ABLIM1: variants seen among roughly 807,000 people sequenced by gnomAD.
The protein encoded by ABLIM1 is actin-binding LIM protein 1.
In ABLIM1, 40 loss-of-function variants were observed where a neutral mutation model predicts 107.0. The observed-to-expected ratio is 0.37, with a 90% CI of 0.29 to 0.49. ABLIM1 has a LOEUF of 0.49. Ranked by LOEUF, ABLIM1 falls within the 20% of genes least tolerant of loss-of-function variation. The pLI is 0.97. For synonymous variants in ABLIM1, 357 were observed against 357.3 expected, an observed-to-expected ratio of 1.00 and a Z score of 0.01; for missense variants, 857 against 1,008.5, an observed-to-expected ratio of 0.85 and a Z score of 2.04.
intron 6 of ABLIM1, among the ~76,000 whole-genome samples, chr10:114,512,985 G>A (rs777608128): frequency 3.3e-5 from 5 of 152,038 alleles, no homozygotes; most frequent in African/African-American, 7.2e-5. Flanking sequence ...ACCAAAACTC[G>A]AGAGTTTTTT....
At position 114,619,384 on chromosome 10, in the gene ABLIM1, A is replaced by G. The variant is rs1330191170; in HGVS notation, c.245-17423T>C. Among the ~76,000 whole-genome samples the G allele has an allele frequency of 6.6e-6, 1 of 151,794 alleles. No individual in the cohort carries two copies. Among genetic ancestry groups the G allele is most frequent in the Admixed American group, 6.6e-5 (1 of 15,220 alleles). Reference sequence around the variant, plus strand: ...GCTAATTTTTTTATTTTTAGTAGAGACGAGGTTTCACTATGTTGCCCAGGC... The same window carrying G: ...GCTAATTTTTTTATTTTTAGTAGAGGCGAGGTTTCACTATGTTGCCCAGGC... On this transcript the variant is annotated intron_variant, in intron 1 of 22. Transcript: ENST00000533213. The surrounding 1 kb of genome is among the most constrained non-coding windows in gnomAD (Gnocchi z 4.1).
At chr10:114,526,126 T>C (rs1490541215) in intron 6 of ABLIM1, among the ~76,000 whole-genome samples, 1 of 152,188 alleles carries the variant, frequency 6.6e-6, no homozygotes, top group African/African-American at 2.4e-5. Context: ...AAACATTTTG[T>C]TTCCTTATTT....
intron 2 of ABLIM1, among the ~76,000 whole-genome samples, chr10:114,582,089 G>A (rs1029567409): frequency 1.3e-5 from 2 of 152,198 alleles, no homozygotes; most frequent in Middle Eastern, 3.4e-3. Flanking sequence ...TCTCTTTGCC[G>A]ATGATATGAT....
intron 8 of ABLIM1, among the ~76,000 whole-genome samples, chr10:114,483,847 T>C (rs2057762174): frequency 6.6e-6 from 1 of 152,182 alleles, no homozygotes; most frequent in African/African-American, 2.4e-5. Context: ...TGAGATGAGA[T>C]TGTAGAAAGT....
At chr10:114,519,595 C>T (rs2063425550) in intron 6 of ABLIM1, among the ~76,000 whole-genome samples, 1 of 152,180 alleles carries the variant, frequency 6.6e-6, no homozygotes, top group Admixed American at 6.5e-5. Context: ...TTAATGAGTA[C>T]ATCCAAGGCC....
At chr10:114,459,458 A>G (rs1382507933) in intron 12 of ABLIM1, among the ~76,000 whole-genome samples, 1 of 152,248 alleles carries the variant, frequency 6.6e-6, no homozygotes, top group Non-Finnish European at 1.5e-5. Context: ...CATGTTTTTC[A>G]AAATAACTAA....
rs2058962200 is a variant in ABLIM1, at chr10:114,432,501, CT to C, written c.*3758del. The C allele has an allele frequency of 6.6e-6, 1 of 152,202 alleles. No homozygotes were observed. Among genetic ancestry groups the C allele is most frequent in the Non-Finnish European group, 1.5e-5 (1 of 68,036 alleles). The allele number at this position is 152,202 out of a possible 1,614,324, so 9.4% of individuals were successfully genotyped here. On this transcript the variant is annotated 3_prime_UTR_variant, in exon 23 of 23. Transcript: ENST00000533213. ...CCTAGTCAAAAGTGGTTAATTTGAA[CT>C]TTTCAAACTTGCAAAAGCATATACA...
In ABLIM1 at chr10:114,434,794, C is replaced by A. The variant is rs757102887; in HGVS notation, c.*1466G>T. On this transcript the variant is annotated 3_prime_UTR_variant, in exon 23 of 23. Transcript: ENST00000533213. ...GTTGGGGAAACCCTAGGCTCATATT[C>A]GAATCTAGTGTTGCAGAGCCTGAGG... The A allele has an allele frequency of 2.6e-5, 4 of 152,076 alleles. No individual in the cohort carries two copies. The highest frequency in any genetic ancestry group is 5.9e-5 in the Non-Finnish European group (4 of 68,030). The allele number at this position is 152,076 out of a possible 1,614,324, so 9.4% of individuals were successfully genotyped here.
chr10:114,515,106 G>A (rs1297670746), intron 6 of ABLIM1, among the ~76,000 whole-genome samples: 11 of 152,228 alleles, frequency 7.2e-5, no homozygotes, highest in Admixed American at 6.5e-4. Flanking sequence ...TTAAAGGTAA[G>A]TCATGACAAG....
At chr10:114,799,396 C>G in the ABLIM1 span, among the ~76,000 whole-genome samples, 7 of 152,270 alleles carry the variant, frequency 4.6e-5, no homozygotes, top group African/African-American at 1.7e-4. Context: ...CCCATGAGCC[C>G]TAGGCTGGTA....
At chr10:114,701,685 T>C (rs2081310944) in intron 1 of ABLIM1, among the ~76,000 whole-genome samples, 1 of 152,100 alleles carries the variant, frequency 6.6e-6, no homozygotes, top group African/African-American at 2.4e-5. Flanking sequence ...AGTATATGAG[T>C]CAATTTATGT....
At chr10:114,457,505 A>G (rs1328075506) in intron 12 of ABLIM1, among the ~76,000 whole-genome samples, 2 of 152,086 alleles carry the variant, frequency 1.3e-5, no homozygotes, top group Admixed American at 6.5e-5. Flanking sequence ...CCTGACCTCA[A>G]GTGATCTGTG....
intron 4 of ABLIM1, among the ~76,000 whole-genome samples, chr10:114,557,182 C>A (rs2068859399): frequency 6.6e-6 from 1 of 152,098 alleles, no homozygotes; most frequent in Non-Finnish European, 1.5e-5. Context: ...TTATGTGGAG[C>A]CTGAGTATGT....
intron 4 of ABLIM1, among the ~76,000 whole-genome samples, chr10:114,566,883 T>C (rs2070819534): frequency 6.6e-6 from 1 of 152,124 alleles, no homozygotes; most frequent in Non-Finnish European, 1.5e-5. Context: ...ACAACATCTC[T>C]ACTAAAAATA....
chr10:114,642,610 GA>G (rs2078802097), intron 1 of ABLIM1, among the ~76,000 whole-genome samples: 1 of 152,104 alleles, frequency 6.6e-6, no homozygotes, highest in East Asian at 1.9e-4. Context: ...GAGAACCTAA[GA>G]AGCAGATGTA....
upstream of ABLIM1, among the ~76,000 whole-genome samples, chr10:114,769,172 G>GAAAAAAAAAAAAAAAAA: frequency 2.1e-5 from 1 of 46,520 alleles, no homozygotes; most frequent in Non-Finnish European, 3.4e-5. Context: ...TGTCTTCAAT[G>GAAAAAAAAAAAAAAAAA]AAAAAAAAAA....
At chr10:114,456,164 T>C (rs10885569) in intron 12 of ABLIM1, among the ~76,000 whole-genome samples, 62,200 of 151,948 alleles carry the variant, frequency 0.41, 12,576 homozygotes, top group South Asian at 0.44. Context: ...TTGAAGAACG[T>C]CGTTTATTTC....
chr10:114,735,420 G>A (rs1042381572), intron 1 of ABLIM1, among the ~76,000 whole-genome samples: 3 of 152,202 alleles, frequency 2.0e-5, no homozygotes, highest in African/African-American at 7.2e-5. Flanking sequence ...GAGCCAACTG[G>A]GAGCCAATCC....
At chr10:114,705,099 AG>A (rs1196067560) in intron 1 of ABLIM1, among the ~76,000 whole-genome samples, 1 of 151,968 alleles carries the variant, frequency 6.6e-6, no homozygotes, top group Non-Finnish European at 1.5e-5. Context: ...CAGCTCCAAG[AG>A]GGGCCTGAGA....
Sources: allele counts gnomAD v4.1 joint callset (sites outside exome capture counted in the v4.1 genomes callset), GRCh38; gene constraint gnomAD v4.1.1; non-coding constraint Gnocchi (gnomAD v3.1); transcripts MANE v1.5; gene names NCBI Gene and HGNC (gene_info 2026-07-23, HGNC 2026-07-21).